The following FAM169A variants were observed in gnomAD, a reference collection of about 807,000 sequenced individuals.
FAM169A encodes soluble lamin-associated protein of 75 kDa.
FAM169A carries 24 observed loss-of-function variants against 75.7 expected under a neutral mutation model. The ratio of observed to expected loss-of-function variants is 0.32; its 90% CI spans 0.23 to 0.45. The LOEUF (loss-of-function observed/expected upper bound fraction) is 0.45, where lower values mean the gene tolerates loss of function less well. Among genes scored for constraint, FAM169A ranks in the 20% least tolerant of loss-of-function variants. The pLI is 1.00. For missense variants in FAM169A, 673 were observed against 784.0 expected, an observed-to-expected ratio of 0.86 and a Z score of 1.69; for synonymous variants, 271 against 271.0, an observed-to-expected ratio of 1.00 and a Z score of 0.00.
chr5:74,859,078 G>A (rs1749898663), intron 1 of FAM169A, among the ~76,000 whole-genome samples: 1 of 151,702 alleles, frequency 6.6e-6, no homozygotes, highest in South Asian at 2.1e-4. Flanking sequence ...GCCAGGCATG[G>A]TAGCACATGC....
chr5:74,808,809 C>T (rs1289232039), intron 6 of FAM169A, among the ~76,000 whole-genome samples: 1 of 152,104 alleles, frequency 6.6e-6, no homozygotes, highest in Non-Finnish European at 1.5e-5. Flanking sequence ...TCAAAGAGAA[C>T]ATCAATTGTA....
intron 9 of FAM169A, among the ~76,000 whole-genome samples, chr5:74,801,349 T>C (rs909388638): frequency 6.6e-6 from 1 of 152,190 alleles, no homozygotes; most frequent in Non-Finnish European, 1.5e-5. Flanking sequence ...AACGTAGACA[T>C]TACCATCCCT....
intron 6 of FAM169A, among the ~76,000 whole-genome samples, chr5:74,812,507 T>C (rs1048146067): frequency 6.6e-6 from 1 of 152,146 alleles, no homozygotes; most frequent in Non-Finnish European, 1.5e-5. Context: ...CTCAAACTCC[T>C]GGACTCAAGC....
At chr5:74,786,567 C>G (rs1465309244) in intron 11 of FAM169A, among the ~76,000 whole-genome samples, 2 of 152,146 alleles carry the variant, frequency 1.3e-5, no homozygotes, top group Admixed American at 1.3e-4. Context: ...AACATAATAC[C>G]TTTGACCATA....
chr5:74,851,992 TCA>T (rs1749467456), intron 1 of FAM169A, among the ~76,000 whole-genome samples: 1 of 152,192 alleles, frequency 6.6e-6, no homozygotes. Context: ...ACATAAAATA[TCA>T]CAGAGATTTG....
Position 74,841,612 on chromosome 5 carries a change from T to A in FAM169A, c.65A>T (p.Asp22Val), listed in dbSNP as rs775923987. 13 of 1,613,028 alleles carry A rather than the reference T, an allele frequency of 8.1e-6. No individual in the cohort carries two copies. In the South Asian group the frequency reaches 1.4e-4, roughly 18 times the overall value. Residue 22 changes from aspartate to valine, a missense_variant, in exon 2 of 13, where the codon GAT (aspartate) becomes GTT (valine). By Grantham distance (152) the Asp-to-Val change is radical. Transcript: ENST00000687041. ...SHEELENSAE[D>V]YMSDLRCGDP... is the part of the protein sequence containing the mutation. ...CCCACACCTTAAATCTGACATGTAA[T>A]CTTCAGCAGAATTTTCCAATTCCTC...
intron 1 of FAM169A, among the ~76,000 whole-genome samples, chr5:74,849,277 GAA>G (rs1044896531): frequency 2.0e-5 from 3 of 152,070 alleles, no homozygotes; most frequent in Admixed American, 6.6e-5. Context: ...AGAAAAGCAT[GAA>G]AAGAGTTAGA....
In FAM169A at chr5:74,805,169, T is replaced by C; in HGVS notation, c.786A>G (p.Ala262=). The change falls in exon 7 of 13, where the codon GCA becomes GCG. Residue 262 remains alanine (A), a synonymous_variant. Coordinates refer to ENST00000687041, the MANE Select transcript of FAM169A (RefSeq NM_001376049.1). ...AAACACTCTTACCTAGAATTTTAAG[T>C]GCTTCTCTTTGTAATGCTCTGGTGA... ...IPVTRALQRE[A]LKILALSQNE... The C allele has an allele frequency of 6.2e-7, 1 of 1,613,886 alleles. No homozygotes were observed. Among genetic ancestry groups the C allele is most frequent in the East Asian group, 2.2e-5 (1 of 44,872 alleles).
At chr5:74,846,745 T>C (rs1168830866) in intron 1 of FAM169A, among the ~76,000 whole-genome samples, 18 of 152,164 alleles carry the variant, frequency 1.2e-4, no homozygotes, top group Non-Finnish European at 1.2e-4. Context: ...GTATTTTTTA[T>C]AGAGATGAGG....
chr5:74,833,534 C>T (rs1221606445), intron 5 of FAM169A, among the ~76,000 whole-genome samples: 3 of 152,192 alleles, frequency 2.0e-5, no homozygotes, highest in Admixed American at 6.5e-5. Flanking sequence ...CACTAATTCT[C>T]ATCACAAATG....
intron 1 of FAM169A, among the ~76,000 whole-genome samples, chr5:74,857,774 A>C (rs1490160149): frequency 6.6e-6 from 1 of 152,092 alleles, no homozygotes; most frequent in Non-Finnish European, 1.5e-5. Flanking sequence ...CAAACTAGTC[A>C]AAGAATACTG....
At chr5:74,813,538 C>A (rs902540855) in intron 6 of FAM169A, among the ~76,000 whole-genome samples, 8 of 152,030 alleles carry the variant, frequency 5.3e-5, no homozygotes, top group African/African-American at 1.9e-4. Context: ...GTTGGCCAGG[C>A]TGGTCTCGAA....
At chr5:74,793,323 CAAAA>C (rs916752737) in intron 11 of FAM169A, among the ~76,000 whole-genome samples, 1 of 65,432 alleles carries the variant, frequency 1.5e-5, no homozygotes, top group Non-Finnish European at 3.1e-5. Flanking sequence ...GAGTCCATTT[CAAAA>C]AAAAAAAAAA....
chr5:74,783,139 A>G lies in FAM169A; in HGVS notation c.1261-5T>C. On this transcript the variant is annotated splice_polypyrimidine_tract_variant and splice_region_variant and intron_variant, in intron 11 of 12. Transcript: ENST00000687041. ...CATAGGCTCTAATTCAGATTCCTAC[A>G]CCATGAGGAGAGAGGGAAAAAGTAA... is the stretch of plus-strand genomic sequence containing the variant. 6.3e-7 allele frequency: 1 copy of G among 1,599,792 alleles called. No individual in the cohort carries two copies. Among genetic ancestry groups the G allele is most frequent in the Non-Finnish European group, 8.5e-7 (1 of 1,170,372 alleles).
At position 74,857,571 on chromosome 5, in the gene FAM169A, G is replaced by GAAAAAAAAAA. The variant is rs1561328873; in HGVS notation, c.-4+8593_-4+8594insTTTTTTTTTT. 1.4e-4 allele frequency among the ~76,000 whole-genome samples: 9 copies of GAAAAAAAAAA among 65,746 alleles called. 1 individual carries two copies. The highest frequency in any genetic ancestry group is 3.8e-4 in the African/African-American group (6 of 15,914). The allele number at this position is 65,746 out of a possible 152,430, so 43.1% of individuals were successfully genotyped here. A position where few individuals can be genotyped will look rare whatever the true frequency, so the allele number is the denominator to read the frequency against. On this transcript the variant is annotated intron_variant, in intron 1 of 12. Coordinates refer to ENST00000687041, the MANE Select transcript of FAM169A (RefSeq NM_001376049.1). ...GGTGACAGAGCCAGACCTTGCCGCG[G>GAAAAAAAAAA]GAAAAAAAAAAAAAAAAAAAAAAAA... is the stretch of plus-strand genomic sequence containing the variant.
At chr5:74,784,933 AAAAATG>A (rs1745619678) in intron 11 of FAM169A, among the ~76,000 whole-genome samples, 1 of 151,750 alleles carries the variant, frequency 6.6e-6, no homozygotes, top group African/African-American at 2.4e-5. Flanking sequence ...AAAAAAAAAA[AAAAATG>A]AAAATGATAG....
At chr5:74,818,901 T>C (rs190215719) in intron 5 of FAM169A, among the ~76,000 whole-genome samples, 150 of 151,752 alleles carry the variant, frequency 9.9e-4, no homozygotes, top group African/African-American at 3.5e-3. Flanking sequence ...CTGGGAAAAA[T>C]GTTTTTAAAA....
At chr5:74,783,943 A>G (rs1745538105) in intron 11 of FAM169A, among the ~76,000 whole-genome samples, 2 of 152,206 alleles carry the variant, frequency 1.3e-5, no homozygotes, top group African/African-American at 4.8e-5. Flanking sequence ...AATTTTTCCA[A>G]AAGAGAAATC....
chr5:74,865,746 CCTCCCCGAGTCCGCGT>C (rs940696040), intron 1 of FAM169A: 1 of 152,384 alleles, frequency 6.6e-6, no homozygotes, highest in African/African-American at 2.4e-5. Context: ...AAGTTCCACA[CCTCCCCGAGTCCGCGT>C]CTCCCCAAGC....
Sources: gnomAD v4.1 joint callset for allele counts (sites outside exome capture counted in the v4.1 genomes callset) on GRCh38, gnomAD v4.1.1 for gene constraint, MANE v1.5 for transcripts, NCBI Gene and HGNC (gene_info 2026-07-23, HGNC 2026-07-21) for gene names.